The following DHX8 variants were observed in gnomAD, a reference collection of about 807,000 sequenced individuals.
DHX8 encodes the protein DEAH-box helicase 8.
In DHX8, 67 loss-of-function variants were observed where a neutral mutation model predicts 140.7. The ratio of observed to expected loss-of-function variants is 0.48; its 90% confidence interval spans 0.39 to 0.58. The LOEUF is 0.58. DHX8 is among the 20% of genes least tolerant of loss of function. The pLI is 0.00. For missense variants in DHX8, 887 were observed against 1,550.7 expected, an observed-to-expected ratio of 0.57 and a Z score of 7.19; for synonymous variants, 533 against 553.2, an observed-to-expected ratio of 0.96 and a Z score of 0.51.
rs1970544173 is a variant in DHX8, at chr17:43,524,664, A to G, written c.*817A>G. 7 of 985,326 alleles carry G rather than the reference A, an allele frequency of 7.1e-6. No individual in the cohort carries two copies. Among genetic ancestry groups the G allele is most frequent in the Non-Finnish European group, 8.4e-6 (7 of 829,942 alleles). The allele number at this position is 985,326 out of a possible 1,614,324, so 61.0% of individuals were successfully genotyped here. A position where few individuals can be genotyped will look rare whatever the true frequency, so the allele number is the denominator to read the frequency against. On this transcript the variant is annotated 3_prime_UTR_variant, in exon 23 of 23. Transcript: ENST00000262415. ...GCTCCCTCCACCTCCCACATTCGCA[A>G]TGTGCAGCATGTCCCATTTCCTTTT...
chr17:43,524,073 T>C lies in DHX8; in HGVS notation c.*226T>C, dbSNP rs558789312. The C allele has an allele frequency of 2.1e-6, 3 of 1,395,428 alleles. No individual in the cohort carries two copies. In the Admixed American group the frequency reaches 8.9e-5, roughly 42 times the overall value. 86.4% of individuals were successfully genotyped at this position (1,395,428 alleles called of 1,614,324 possible). ...CATCACCCCAAGTCCTTGGGCCCAG[T>C]TGGGAGCTCATATCTAACACAGAGA... On this transcript the variant is annotated 3_prime_UTR_variant, in exon 23 of 23. Transcript: ENST00000262415.
chr17:43,509,646 G>T (rs1969698089), intron 16 of DHX8, among the ~76,000 whole-genome samples: 1 of 151,848 alleles, frequency 6.6e-6, no homozygotes, highest in Non-Finnish European at 1.5e-5. Flanking sequence ...ACCATTCTTG[G>T]CTAATTTTGG....
chr17:43,527,864 T>G, downstream of DHX8: 1 of 228,328 alleles, frequency 4.4e-6, no homozygotes, highest in Non-Finnish European at 8.7e-6. Context: ...GTGGGGGCCT[T>G]TATTAAGGTC....
chr17:43,507,953 C>A lies in DHX8; in HGVS notation c.2254C>A (p.Pro752Thr). ...AGTGGAAATACTGTACACAAAGGAACCTGAGACAGATTATCTGGATGCCAG... is the reference window on the plus strand; with the variant it reads ...AGTGGAAATACTGTACACAAAGGAAACTGAGACAGATTATCTGGATGCCAG... Reference protein sequence around the residue: ...YPVEILYTKEPETDYLDASLI... With the variant: ...YPVEILYTKETETDYLDASLI... The change falls in exon 15 of 23, where the codon CCT becomes ACT. Residue 752 changes from proline to threonine, a missense_variant. This residue lies in a region of DHX8 where 151 missense variants were observed against 388.3 expected (regional missense o/e 0.39). Transcript: ENST00000262415. 1 of 1,614,196 alleles carries A rather than the reference C, an allele frequency of 6.2e-7. No individual in the cohort carries two copies. The highest frequency in any genetic ancestry group is 8.5e-7 in the Non-Finnish European group (1 of 1,180,044).
chr17:43,522,378 C>T, intron 22 of DHX8, 152 bp downstream of exon 22: 1 of 717,898 alleles, frequency 1.4e-6, no homozygotes, highest in Non-Finnish European at 2.3e-6. Context: ...CTGAATTAGG[C>T]ACAATGTATC....
At chr17:43,488,717 A>G (rs1367247912) in intron 1 of DHX8, among the ~76,000 whole-genome samples, 1 of 151,996 alleles carries the variant, frequency 6.6e-6, no homozygotes, top group East Asian at 1.9e-4. Context: ...TGGCCCTCAT[A>G]TACAGATTGG....
At chr17:43,503,132 G>A (rs1969293319) in intron 11 of DHX8, among the ~76,000 whole-genome samples, 1 of 152,130 alleles carries the variant, frequency 6.6e-6, no homozygotes, top group Non-Finnish European at 1.5e-5. Flanking sequence ...GGAGGCTGAG[G>A]CAGACAGATC....
chr17:43,501,301 C>T (rs1969181977), intron 11 of DHX8, among the ~76,000 whole-genome samples: 1 of 151,792 alleles, frequency 6.6e-6, no homozygotes, highest in Non-Finnish European at 1.5e-5. Context: ...AGGAGTAGCC[C>T]GTGTTGGGTT....
chr17:43,517,141 T>C, intron 17 of DHX8, 26 bp from the exon 18 acceptor site: 13 of 1,599,554 alleles, frequency 8.1e-6, no homozygotes, highest in Non-Finnish European at 1.1e-5. Context: ...AACAGATATG[T>C]TGCTTTTATA....
chr17:43,510,592 T>G (rs1969769931), intron 16 of DHX8, among the ~76,000 whole-genome samples: 1 of 152,234 alleles, frequency 6.6e-6, no homozygotes, highest in African/African-American at 2.4e-5. Context: ...TTTATTTGTA[T>G]TTTTTTATTG....
At chr17:43,484,265 T>C (rs1316608946) in intron 1 of DHX8, 80 bp downstream of exon 1, 3 of 1,463,544 alleles carry the variant, frequency 2.0e-6, no homozygotes, top group Non-Finnish European at 2.8e-6. Flanking sequence ...GAAAGGTGGT[T>C]GATGGACCGA....
downstream of DHX8, chr17:43,527,926 G>A (rs1023742527): frequency 2.1e-5 from 5 of 233,076 alleles, no homozygotes; most frequent in Non-Finnish European, 3.4e-5. Flanking sequence ...GCCTAGGAAA[G>A]GGCAGAAGAA....
Position 43,525,625 on chromosome 17 carries a change from C to T in DHX8, c.*1778C>T. 3.0e-6 allele frequency: 3 copies of T among 985,528 alleles called. No homozygotes were observed. In the South Asian group the frequency reaches 1.4e-4, roughly 46 times the overall value. 61.0% of individuals were successfully genotyped at this position (985,528 alleles called of 1,614,324 possible). A position where few individuals can be genotyped will look rare whatever the true frequency, so the allele number is the denominator to read the frequency against. Reference sequence around the variant, plus strand: ...GAAACGGGGACTGGGCACCCACCTCCCCAATCTCGTTTTGTTTTTGTTTTT... The same window carrying T: ...GAAACGGGGACTGGGCACCCACCTCTCCAATCTCGTTTTGTTTTTGTTTTT... On this transcript the variant is annotated 3_prime_UTR_variant, in exon 23 of 23. Transcript: ENST00000262415.
chr17:43,491,138 C>T, intron 3 of DHX8, 27 bp from the exon 4 acceptor site: 1 of 1,141,208 alleles, frequency 8.8e-7, no homozygotes, highest in Non-Finnish European at 1.2e-6. Flanking sequence ...CTTTTTTTAA[C>T]CCCTTCATGC....
At chr17:43,503,988 G>C (rs574164699) in intron 11 of DHX8, among the ~76,000 whole-genome samples, 9 of 151,598 alleles carry the variant, frequency 5.9e-5, no homozygotes, top group Non-Finnish European at 1.2e-4. Flanking sequence ...AAGGAGAGAG[G>C]ATTCCTTGAA....
rs143316763 is a variant in DHX8, at chr17:43,492,710, G to A, written c.533G>A (p.Arg178Gln). 98 of 1,602,734 alleles carry A rather than the reference G, an allele frequency of 6.1e-5. No individual in the cohort carries two copies. In the African/African-American group the frequency reaches 6.7e-4, roughly 11 times the overall value. The change falls in exon 6 of 23, where the codon CGA becomes CAA. Residue 178 changes from arginine (R) to glutamine (Q), a missense_variant. This residue lies in a region of DHX8 where 304 missense variants were observed against 306.9 expected (regional missense o/e 0.99). Coordinates refer to ENST00000262415, the MANE Select transcript of DHX8 (RefSeq NM_004941.3). ...RDRTKKKKRS[R>Q]SRDRNRDRDR... ...AGGACAAAGAAGAAGAAGCGGAGTC[G>A]AAGCCGAGATCGAAACCGAGATCGA...
At chr17:43,530,044 C>T, downstream of DHX8, 2 of 1,608,928 alleles carry the variant, frequency 1.2e-6, no homozygotes, top group Non-Finnish European at 1.7e-6. Flanking sequence ...GGAGACCCTC[C>T]CCCATGGCAG....
Position 43,525,475 on chromosome 17 carries a change from A to G in DHX8, c.*1628A>G. The G allele has an allele frequency of 3.0e-6, 3 of 985,362 alleles. No homozygotes were observed. The highest frequency in any genetic ancestry group is 3.6e-6 in the Non-Finnish European group (3 of 829,940). The allele number at this position is 985,362 out of a possible 1,614,324, so 61.0% of individuals were successfully genotyped here. A position where few individuals can be genotyped will look rare whatever the true frequency, so the allele number is the denominator to read the frequency against. On this transcript the variant is annotated 3_prime_UTR_variant, in exon 23 of 23. Coordinates refer to ENST00000262415, the MANE Select transcript of DHX8 (RefSeq NM_004941.3). ...CCTTCATTAAGCTGAGTGCCTCCTG[A>G]TTCTGTCTGAGTATTCGCCTTTGTA...
At chr17:43,528,527 A>T (rs764630172), downstream of DHX8, 2 of 1,607,346 alleles carry the variant, frequency 1.2e-6, no homozygotes, top group Non-Finnish European at 1.7e-6. Context: ...GGCTAGTAAG[A>T]GTAGCCACCC....
Sources: gnomAD v4.1 joint callset for allele counts (sites outside exome capture counted in the v4.1 genomes callset) on GRCh38, gnomAD v4.1.1 for gene constraint, gnomAD v4.1.1 regional missense constraint, MANE v1.5 for transcripts, NCBI Gene and HGNC (gene_info 2026-07-23, HGNC 2026-07-21) for gene names.